DOCK1: variants seen among roughly 807,000 people sequenced by gnomAD.
DOCK1 encodes the protein dedicator of cytokinesis protein 1.
A neutral mutation model predicts 262.7 loss-of-function variants in DOCK1; 138 were observed. That is an observed-to-expected ratio of 0.53 (90% CI 0.46 to 0.61). The LOEUF (loss-of-function observed/expected upper bound fraction) is 0.61. Among genes scored for constraint, DOCK1 ranks in the 20% least tolerant of loss-of-function variants. The probability of loss-of-function intolerance (pLI) is 0.00; values close to 1 mark genes in which losing one functional copy is unlikely to be tolerated. For synonymous variants in DOCK1, 866 were observed against 867.4 expected (o/e 1.00, Z 0.03); for missense variants, 1,908 against 2,370.7 (o/e 0.80, Z 4.05).
intron 27 of DOCK1, among the ~76,000 whole-genome samples, chr10:127,224,994 A>C (rs1305197218): frequency 2.0e-5 from 3 of 152,120 alleles, no homozygotes; most frequent in Non-Finnish European, 2.9e-5. Flanking sequence ...AGAAGAATCT[A>C]CTGTTGGGTA....
chr10:127,334,602 G>A (rs557889695), intron 29 of DOCK1, among the ~76,000 whole-genome samples: 50 of 152,128 alleles, frequency 3.3e-4, no homozygotes, highest in Middle Eastern at 3.4e-3. Context: ...TAGACCTTAC[G>A]GCTTTTTGAA....
intron 23 of DOCK1, 32 bp from the exon 24 acceptor site, chr10:127,106,187 CCTAACCTGCATG>C (rs1157725804): frequency 1.3e-6 from 2 of 1,552,060 alleles, no homozygotes; most frequent in Admixed American, 3.9e-5. Flanking sequence ...ATGAACACTC[CCTAACCTGCATG>C]CTGCTCAGCC....
chr10:127,380,577 A>G (rs2065771969), intron 36 of DOCK1, among the ~76,000 whole-genome samples: 1 of 152,136 alleles, frequency 6.6e-6, no homozygotes, highest in Non-Finnish European at 1.5e-5. Flanking sequence ...TTCCATGAAG[A>G]AGAGAAACAT....
chr10:127,446,627 A>G lies in DOCK1; in HGVS notation c.5414-767A>G, dbSNP rs1173148161. On this transcript the variant is annotated intron_variant, in intron 50 of 51. Coordinates refer to ENST00000623213, the MANE Select transcript of DOCK1 (RefSeq NM_001290223.2). The surrounding 1 kb of genome is among the most constrained non-coding windows in gnomAD (Gnocchi z 4.4). ...GCATTTTCCTAATAAAGGATTTTTCATCAGATGAATCCTAGGGGAAAACTC... is the reference window on the plus strand; with the variant it reads ...GCATTTTCCTAATAAAGGATTTTTCGTCAGATGAATCCTAGGGGAAAACTC... 6.6e-6 allele frequency among the ~76,000 whole-genome samples: 1 copy of G among 152,192 alleles called. No individual in the cohort carries two copies. Among genetic ancestry groups the G allele is most frequent in the Admixed American group, 6.5e-5 (1 of 15,282 alleles).
intron 1 of DOCK1, among the ~76,000 whole-genome samples, chr10:126,943,536 C>T (rs1160713782): frequency 6.6e-6 from 1 of 152,286 alleles, no homozygotes; most frequent in East Asian, 1.9e-4. Context: ...TTAATGCAAT[C>T]ATTCAGTGGA....
At chr10:127,149,156 C>T (rs1012174117) in intron 27 of DOCK1, among the ~76,000 whole-genome samples, 1 of 152,164 alleles carries the variant, frequency 6.6e-6, no homozygotes, top group Non-Finnish European at 1.5e-5. Flanking sequence ...ACATCCCTTG[C>T]ATAATTGTAA....
rs776949839 is a variant in DOCK1, at chr10:127,052,775, A to G, written c.2296A>G (p.Ile766Val). ...LYKAMKALES[I>V]FKFIVRSRIL... The stretch of plus-strand genomic sequence containing the variant: ...CAAAGCCATGAAAGCGCTAGAATCC[A>G]TCTTCAAGTTCATCGTGCGCTCCAG... The change falls in exon 22 of 52, where the codon ATC becomes GTC. Residue 766 changes from isoleucine to valine, a missense_variant. Ile to Val is a conservative substitution (Grantham distance 29). Coordinates refer to ENST00000623213, the MANE Select transcript of DOCK1 (RefSeq NM_001290223.2). 6.2e-7 allele frequency: 1 copy of G among 1,613,930 alleles called. No homozygotes were observed. Among genetic ancestry groups the G allele is most frequent in the South Asian group, 1.1e-5 (1 of 91,076 alleles).
intron 10 of DOCK1, 168 bp downstream of exon 10, chr10:127,000,475 C>A: frequency 1.9e-6 from 2 of 1,032,998 alleles, no homozygotes; most frequent in South Asian, 2.0e-5. Context: ...TTCAAGTTGA[C>A]CTGCTAGGCT....
At position 127,106,089 on chromosome 10, in the gene DOCK1, A is replaced by T. The variant is rs1334592315; in HGVS notation, c.2446-142A>T. On this transcript the variant is annotated intron_variant, in intron 23 of 51. Coordinates refer to ENST00000623213, the MANE Select transcript of DOCK1 (RefSeq NM_001290223.2). ...GACTTTTGTTCTTTGCTCTATTTTC[A>T]TCGTGTTAGCCGTCAGCCCCTCATC... The T allele has an allele frequency of 4.9e-6, 4 of 813,028 alleles. No individual in the cohort carries two copies. In the African/African-American group the frequency reaches 5.2e-5, roughly 11 times the overall value. 50.4% of individuals were successfully genotyped at this position (813,028 alleles called of 1,614,324 possible).
intron 25 of DOCK1, among the ~76,000 whole-genome samples, chr10:127,120,202 G>T (rs186999881): frequency 6.6e-5 from 10 of 152,154 alleles, no homozygotes; most frequent in African/African-American, 2.4e-4. Flanking sequence ...AAGCACTGGC[G>T]GTCCTGGAGT....
intron 35 of DOCK1, among the ~76,000 whole-genome samples, chr10:127,374,730 A>C (rs559548158): frequency 6.6e-6 from 1 of 152,304 alleles, no homozygotes; most frequent in East Asian, 1.9e-4. Flanking sequence ...AGGTGTCCTC[A>C]TAAGAGACAA....
chr10:127,028,473 G>C (rs1365534551), intron 16 of DOCK1, among the ~76,000 whole-genome samples: 1 of 152,202 alleles, frequency 6.6e-6, no homozygotes, highest in East Asian at 1.9e-4. Context: ...CCACATTACA[G>C]ATGAGGAAAC....
chr10:126,963,791 C>T (rs2037465038), intron 1 of DOCK1, among the ~76,000 whole-genome samples: 1 of 151,728 alleles, frequency 6.6e-6, no homozygotes, highest in South Asian at 2.1e-4. Flanking sequence ...GTGGAAGAGG[C>T]ACAGGTGATT....
intron 38 of DOCK1, among the ~76,000 whole-genome samples, chr10:127,402,234 G>A (rs1321109541): frequency 6.6e-6 from 1 of 152,120 alleles, no homozygotes; most frequent in Non-Finnish European, 1.5e-5. Context: ...AAAGTTTTGA[G>A]GCAGCAGGAT....
chr10:127,416,838 G>A (rs1445480172), intron 44 of DOCK1, among the ~76,000 whole-genome samples: 1 of 152,230 alleles, frequency 6.6e-6, no homozygotes, highest in Non-Finnish European at 1.5e-5. Context: ...AAAGTAAGTT[G>A]TGGGGTCAGG....
intron 1 of DOCK1, among the ~76,000 whole-genome samples, chr10:126,964,169 C>T (rs2037488294): frequency 1.3e-5 from 2 of 152,308 alleles, no homozygotes; most frequent in Admixed American, 6.5e-5. Flanking sequence ...GTCTCTGCCC[C>T]AGGGTCAAGT....
chr10:127,222,628 T>TTGTG (rs2058480206), intron 27 of DOCK1, among the ~76,000 whole-genome samples: 2 of 145,540 alleles, frequency 1.4e-5, no homozygotes, highest in African/African-American at 2.6e-5. Flanking sequence ...GTGTTTTTGT[T>TTGTG]TTGTGTTGTG....
intron 17 of DOCK1, 23 bp from the exon 18 acceptor site, chr10:127,032,114 A>T: frequency 6.4e-7 from 1 of 1,571,550 alleles, no homozygotes; most frequent in South Asian, 1.2e-5. Flanking sequence ...TGCCTTTGAC[A>T]TACGGCATGA....
At chr10:127,225,461 C>T (rs1481502433) in intron 27 of DOCK1, among the ~76,000 whole-genome samples, 1 of 152,206 alleles carries the variant, frequency 6.6e-6, no homozygotes, top group African/African-American at 2.4e-5. Flanking sequence ...GCAAATGACA[C>T]AACATAGGTT....
Sources: gnomAD v4.1 joint callset for allele counts (sites outside exome capture counted in the v4.1 genomes callset) on GRCh38, gnomAD v4.1.1 for gene constraint, Gnocchi (gnomAD v3.1) non-coding constraint, MANE v1.5 for transcripts, NCBI Gene and HGNC (gene_info 2026-07-23, HGNC 2026-07-21) for gene names.